The following SLC38A12 variants were observed in gnomAD, a reference collection of about 807,000 sequenced individuals.
SLC38A12 encodes the protein solute carrier family 38 member 12.
the SLC38A12 span, among the ~76,000 whole-genome samples, chr17:74,803,760 A>G: frequency 2.6e-5 from 4 of 152,206 alleles, no homozygotes; most frequent in Non-Finnish European, 5.9e-5. Flanking sequence ...CCAAAGCTCA[A>G]CAGCCCAGTC....
chr17:74,782,604 T>C, the SLC38A12 span, among the ~76,000 whole-genome samples: 1 of 152,172 alleles, frequency 6.6e-6, no homozygotes, highest in Non-Finnish European at 1.5e-5. Context: ...GAGTTAGTTA[T>C]AGACATTCAC....
At chr17:74,811,167 A>G in the SLC38A12 span, among the ~76,000 whole-genome samples, 1 of 151,662 alleles carries the variant, frequency 6.6e-6, no homozygotes, top group African/African-American at 2.4e-5. Flanking sequence ...CTGTCTCTAC[A>G]AAAAATACAA....
the SLC38A12 span, among the ~76,000 whole-genome samples, chr17:74,804,781 C>T: frequency 3.3e-5 from 5 of 152,352 alleles, no homozygotes; most frequent in South Asian, 1.0e-3. Context: ...GGGTGTTGGG[C>T]ACTGGCTGAG....
At chr17:74,777,587 A>T in the SLC38A12 span, 2 of 1,511,504 alleles carry the variant, frequency 1.3e-6, no homozygotes, top group Admixed American at 4.0e-5. Context: ...GGTGTTTGTC[A>T]GAGTGGTCAA....
chr17:74,839,265 G>A, the SLC38A12 span: 2 of 1,261,392 alleles, frequency 1.6e-6, no homozygotes, highest in Admixed American at 2.6e-5. Context: ...CCACACAGCT[G>A]TCCTCACTAC....
the SLC38A12 span, among the ~76,000 whole-genome samples, chr17:74,795,290 A>G: frequency 1.3e-5 from 2 of 152,102 alleles, no homozygotes; most frequent in East Asian, 3.9e-4. Flanking sequence ...TCCTTAGCTC[A>G]TGTCACTGTC....
chr17:74,795,773 G>A, the SLC38A12 span: 2 of 675,046 alleles, frequency 3.0e-6, no homozygotes, highest in Non-Finnish European at 5.0e-6. Context: ...AAGCACTGGG[G>A]CCTTGGCCCC....
the SLC38A12 span, chr17:74,794,971 T>C: frequency 1.3e-6 from 2 of 1,513,694 alleles, no homozygotes; most frequent in Admixed American, 1.8e-5. Context: ...CATGCAGACA[T>C]CTCTTTGTGG....
At chr17:74,821,753 G>C in the SLC38A12 span, among the ~76,000 whole-genome samples, 8 of 152,224 alleles carry the variant, frequency 5.3e-5, no homozygotes, top group African/African-American at 9.7e-5. Context: ...GCCTAAGTCT[G>C]GTGCTCCAGC....
chr17:74,781,627 A>G, the SLC38A12 span, among the ~76,000 whole-genome samples: 6 of 152,238 alleles, frequency 3.9e-5, no homozygotes, highest in African/African-American at 1.4e-4. Context: ...TACTTCCATT[A>G]TGGGAACATC....
At chr17:74,785,532 C>A in the SLC38A12 span, 1 of 1,614,186 alleles carries the variant, frequency 6.2e-7, no homozygotes, top group Non-Finnish European at 8.5e-7. Context: ...GCGCACTCAC[C>A]ATGCCCAAGG....
the SLC38A12 span, among the ~76,000 whole-genome samples, chr17:74,783,833 C>A: frequency 6.8e-6 from 1 of 146,554 alleles, no homozygotes; most frequent in Non-Finnish European, 1.5e-5. Context: ...CGGGTTCAAG[C>A]GATCCCCCTG....
the SLC38A12 span, chr17:74,819,765 C>T: frequency 2.5e-6 from 4 of 1,614,130 alleles, no homozygotes; most frequent in African/African-American, 2.7e-5. Flanking sequence ...CTTCACTCTC[C>T]TCCTCGGACC....
chr17:74,831,796 C>T, the SLC38A12 span, among the ~76,000 whole-genome samples: 1 of 152,238 alleles, frequency 6.6e-6, no homozygotes, highest in South Asian at 2.1e-4. Context: ...CCCGCCTCCA[C>T]ACCCGTCTGG....
At chr17:74,783,290 G>A in the SLC38A12 span, among the ~76,000 whole-genome samples, 2 of 152,210 alleles carry the variant, frequency 1.3e-5, no homozygotes, top group African/African-American at 2.4e-5. Context: ...GAAGTGAGAC[G>A]CAGCCCACGG....
At chr17:74,786,710 T>C in the SLC38A12 span, among the ~76,000 whole-genome samples, 2 of 152,112 alleles carry the variant, frequency 1.3e-5, no homozygotes, top group African/African-American at 4.8e-5. Flanking sequence ...GGAAGCTGAA[T>C]GGGATAGGAA....
the SLC38A12 span, among the ~76,000 whole-genome samples, chr17:74,829,091 A>G: frequency 6.6e-6 from 1 of 152,212 alleles, no homozygotes; most frequent in African/African-American, 2.4e-5. This position sits in a 1 kb window ranked among gnomAD's most constrained non-coding sequence, Gnocchi z 4.1. Context: ...AAAAATGACA[A>G]GTGGGATACT....
At chr17:74,808,040 C>G in the SLC38A12 span, among the ~76,000 whole-genome samples, 1 of 152,248 alleles carries the variant, frequency 6.6e-6, no homozygotes, top group Non-Finnish European at 1.5e-5. Context: ...CTTCCCCTTC[C>G]CCCTAAACCA....
chr17:74,818,591 C>T, the SLC38A12 span, among the ~76,000 whole-genome samples: 6 of 152,108 alleles, frequency 3.9e-5, no homozygotes, highest in Non-Finnish European at 8.8e-5. Context: ...AGGGGCTGGC[C>T]GAGGGCTGAG....
Sources: gnomAD v4.1 joint callset for allele counts (sites outside exome capture counted in the v4.1 genomes callset) on GRCh38, gnomAD v4.1.1 for gene constraint, Gnocchi (gnomAD v3.1) non-coding constraint, MANE v1.5 for transcripts, NCBI Gene and HGNC (gene_info 2026-07-23, HGNC 2026-07-21) for gene names.